The following POF1B variants were observed in gnomAD, a reference collection of about 807,000 sequenced individuals.
POF1B encodes protein POF1B.
In POF1B, 53 loss-of-function variants were observed where a neutral mutation model predicts 55.3. The observed-to-expected ratio is 0.96, with a 90% confidence interval of 0.77 to 1.20. The LOEUF is 1.20. Ranked by LOEUF, POF1B falls within the 50% of genes most tolerant of loss-of-function variation. The pLI is 0.00. For synonymous variants in POF1B, 188 were observed against 148.3 expected (o/e 1.27, Z -1.95); for missense variants, 478 against 420.5 (o/e 1.14, Z -1.20).
chrX:85,341,115 A>G (rs1352229877), intron 6 of POF1B, among the ~76,000 whole-genome samples: 1 of 111,452 alleles, frequency 9.0e-6, no homozygotes, highest in Non-Finnish European at 1.9e-5. Context: ...CCTGTGTGTC[A>G]GAATTATCAA....
intron 13 of POF1B, among the ~76,000 whole-genome samples, chrX:85,305,415 T>C (rs1468397931): frequency 1.8e-5 from 2 of 110,701 alleles, no homozygotes; most frequent in Admixed American, 9.7e-5. Flanking sequence ...CGAAATTAAG[T>C]GAGAATTTTT....
rs187873829 is a variant in POF1B, at chrX:85,315,815, T to A, written c.855-81A>T. On this transcript the variant is annotated intron_variant, in intron 7 of 16. Coordinates refer to ENST00000262753, the MANE Select transcript of POF1B (RefSeq NM_024921.4). ...ATATAAATGCTAGTTTTCTATTAATTTTATCTTACTTTTTGAAATATAAGA... is the reference window on the plus strand; with the variant it reads ...ATATAAATGCTAGTTTTCTATTAATATTATCTTACTTTTTGAAATATAAGA... 128 of 763,596 alleles carry A rather than the reference T, an allele frequency of 1.7e-4. No homozygotes were observed. In the East Asian group the frequency reaches 4.7e-3, roughly 28 times the overall value. 62.9% of individuals were successfully genotyped at this position (763,596 alleles called of 1,213,427 possible).
chrX:85,290,644 T>C (rs1932164465), intron 15 of POF1B, among the ~76,000 whole-genome samples: 1 of 112,053 alleles, frequency 8.9e-6, no homozygotes, highest in African/African-American at 3.2e-5. Context: ...TAATAGCCAT[T>C]CTAACTGGTG....
At chrX:85,281,587 G>A (rs992454482) in intron 16 of POF1B, among the ~76,000 whole-genome samples, 2 of 110,032 alleles carry the variant, frequency 1.8e-5, no homozygotes, top group Admixed American at 2.0e-4. Flanking sequence ...GGATGTTGTA[G>A]AAGGTAGAGT....
intron 7 of POF1B, among the ~76,000 whole-genome samples, chrX:85,321,014 C>A (rs2147916777): frequency 9.0e-6 from 1 of 111,014 alleles, no homozygotes; most frequent in South Asian, 3.9e-4. Context: ...ACCAGAGGTA[C>A]AAGGAGGAGC....
intron 4 of POF1B, among the ~76,000 whole-genome samples, chrX:85,355,960 T>C (rs1474908196): frequency 9.0e-6 from 1 of 111,629 alleles, no homozygotes; most frequent in Non-Finnish European, 1.9e-5. Flanking sequence ...CATTACTGGG[T>C]ATATACCCAA....
chrX:85,375,076 G>A (rs901049802), intron 2 of POF1B, among the ~76,000 whole-genome samples: 1 of 111,081 alleles, frequency 9.0e-6, no homozygotes. Flanking sequence ...TTTTTCTGAA[G>A]AAAACTAGGA....
intron 3 of POF1B, among the ~76,000 whole-genome samples, chrX:85,364,675 G>C (rs1017265926): frequency 1.8e-5 from 2 of 111,310 alleles, no homozygotes; most frequent in African/African-American, 6.5e-5. Context: ...TCTAGCTGCT[G>C]TCAACATTCT....
Position 85,307,489 on chromosome X carries a change from A to G in POF1B, c.1051-213T>C, listed in dbSNP as rs528766677. 2.2e-4 allele frequency among the ~76,000 whole-genome samples: 25 copies of G among 112,045 alleles called. No homozygotes were observed. The South Asian group carries it at 9.1e-3, about 41-fold the overall frequency. ...TTGAAAGAGACATTTTGATGGACTA[A>G]CTATACATGAAATGAAGCACAACCC... On this transcript the variant is annotated intron_variant, in intron 10 of 16. Transcript: ENST00000262753.
intron 15 of POF1B, among the ~76,000 whole-genome samples, chrX:85,301,647 G>A (rs1427939181): frequency 1.8e-5 from 2 of 111,081 alleles, no homozygotes; most frequent in Non-Finnish European, 1.9e-5. Context: ...AACCTAAGGG[G>A]AAAAACTCAG....
rs182567055 is a variant in POF1B at position 85,282,166 on chromosome X, C to T, written c.1764+37G>A. On this transcript the variant is annotated intron_variant, in intron 16 of 16. Coordinates refer to ENST00000262753, the MANE Select transcript of POF1B (RefSeq NM_024921.4). The stretch of plus-strand genomic sequence containing the variant: ...CAATTTTAAAAGGCTGTACATATAT[C>T]GTCAAAATAGGGCTAAAAATGCCCA... 3.0e-4 allele frequency: 346 copies of T among 1,155,714 alleles called. 2 individuals carry two copies. Among genetic ancestry groups the T allele is most frequent in the Non-Finnish European group, 3.6e-4 (317 of 868,686 alleles).
intron 9 of POF1B, 48 bp from the exon 10 acceptor site, chrX:85,308,264 T>G: frequency 1.1e-6 from 1 of 907,467 alleles, no homozygotes; most frequent in Admixed American, 3.1e-5. Context: ...CATTTGAAAA[T>G]AGGCAATATA....
intron 16 of POF1B, among the ~76,000 whole-genome samples, chrX:85,281,182 T>G (rs1370188406): frequency 9.4e-6 from 1 of 106,943 alleles, no homozygotes; most frequent in African/African-American, 3.5e-5. Context: ...GTACAGACTT[T>G]TTTTTTTTTT....
chrX:85,319,774 G>C (rs190563541), intron 7 of POF1B, among the ~76,000 whole-genome samples: 1 of 111,360 alleles, frequency 9.0e-6, no homozygotes, highest in African/African-American at 3.3e-5. Context: ...TGGTTTGCTA[G>C]TATTTTATTG....
intron 4 of POF1B, among the ~76,000 whole-genome samples, chrX:85,353,031 A>G (rs1460406381): frequency 9.0e-6 from 1 of 111,458 alleles, no homozygotes; most frequent in Non-Finnish European, 1.9e-5. Context: ...ACATATATGC[A>G]AAGTAGAAAG....
At chrX:85,327,238 C>T (rs1932906640) in intron 7 of POF1B, among the ~76,000 whole-genome samples, 1 of 111,126 alleles carries the variant, frequency 9.0e-6, no homozygotes, top group Non-Finnish European at 1.9e-5. Flanking sequence ...CACTCCTTCC[C>T]GAGGAGTTGT....
intron 6 of POF1B, among the ~76,000 whole-genome samples, chrX:85,344,600 T>C (rs985746965): frequency 9.0e-6 from 1 of 111,414 alleles, no homozygotes; most frequent in Non-Finnish European, 1.9e-5. Context: ...AGTTTCAACC[T>C]ACAAAAATGA....
chrX:85,281,353 A>G (rs1274533196), intron 16 of POF1B, among the ~76,000 whole-genome samples: 1 of 110,758 alleles, frequency 9.0e-6, no homozygotes, highest in East Asian at 2.9e-4. Context: ...ACAGATTTTG[A>G]TATCTGTAGG....
chrX:85,322,641 A>G (rs1239817071), intron 7 of POF1B, among the ~76,000 whole-genome samples: 9 of 111,847 alleles, frequency 8.0e-5, no homozygotes, highest in Non-Finnish European at 1.7e-4. Flanking sequence ...GGAAACCACC[A>G]TCAGAGTGAA....
Sources: gnomAD v4.1 joint callset for allele counts (sites outside exome capture counted in the v4.1 genomes callset) on GRCh38, gnomAD v4.1.1 for gene constraint, MANE v1.5 for transcripts, NCBI Gene and HGNC (gene_info 2026-07-23, HGNC 2026-07-21) for gene names.